The following KCTD16 variants were observed in gnomAD, a reference collection of about 807,000 sequenced individuals.
The protein encoded by KCTD16 is BTB/POZ domain-containing protein KCTD16.
In KCTD16, 13 loss-of-function variants were observed where a neutral mutation model predicts 33.2. The ratio of observed to expected loss-of-function variants is 0.39; its 90% CI spans 0.25 to 0.62. KCTD16 has a LOEUF of 0.62. Among genes scored for constraint, KCTD16 ranks in the 20% least tolerant of loss-of-function variants. The probability of loss-of-function intolerance (pLI) is 0.50; values close to 1 mark genes in which losing one functional copy is unlikely to be tolerated. For missense variants in KCTD16, 441 were observed against 525.1 expected (o/e 0.84, Z 1.57); for synonymous variants, 197 against 195.3 (o/e 1.01, Z -0.07).
intron 3 of KCTD16, among the ~76,000 whole-genome samples, chr5:144,441,974 TAAA>T: frequency 6.6e-6 from 1 of 152,242 alleles, no homozygotes; most frequent in East Asian, 1.9e-4. Flanking sequence ...TTCAACATTT[TAAA>T]AAAGTTTAAT....
chr5:144,425,629 T>C (rs80157337), intron 3 of KCTD16, among the ~76,000 whole-genome samples: 2 of 151,940 alleles, frequency 1.3e-5, no homozygotes, highest in African/African-American at 4.8e-5. Context: ...TAGCACCACA[T>C]GGATGTTGCC....
chr5:144,433,941 C>T (rs1430019246), intron 3 of KCTD16, among the ~76,000 whole-genome samples: 1 of 152,152 alleles, frequency 6.6e-6, no homozygotes, highest in Non-Finnish European at 1.5e-5. Flanking sequence ...ATTATATTAT[C>T]AGCCACTGAT....
intron 1 of KCTD16, among the ~76,000 whole-genome samples, chr5:144,173,397 C>G (rs1406493880): frequency 4.6e-5 from 7 of 152,084 alleles, no homozygotes; most frequent in Non-Finnish European, 4.4e-5. Context: ...AACCAGATAC[C>G]ACATATTCTC....
At chr5:144,454,003 GGATGGAATAAAGGGT>G (rs1319434704) in intron 3 of KCTD16, among the ~76,000 whole-genome samples, 15 of 152,184 alleles carry the variant, frequency 9.9e-5, no homozygotes, top group Middle Eastern at 3.4e-3. Flanking sequence ...AAAAGATAAG[GGATGGAATAAAGGGT>G]GATTAACCTC....
chr5:144,244,548 G>T (rs1200202476), intron 3 of KCTD16, among the ~76,000 whole-genome samples: 4 of 152,076 alleles, frequency 2.6e-5, no homozygotes, highest in Non-Finnish European at 5.9e-5. Flanking sequence ...TTTCATTTTT[G>T]CACTTCCATA....
intron 3 of KCTD16, among the ~76,000 whole-genome samples, chr5:144,364,841 G>T (rs1417183241): frequency 6.6e-6 from 1 of 152,118 alleles, no homozygotes; most frequent in African/African-American, 2.4e-5. Context: ...CAGAAGCTCT[G>T]CAGTCATATT....
intron 3 of KCTD16, among the ~76,000 whole-genome samples, chr5:144,401,576 T>A (rs1752705314): frequency 6.6e-6 from 1 of 152,088 alleles, no homozygotes; most frequent in Non-Finnish European, 1.5e-5. Flanking sequence ...CATTGAGAAG[T>A]GAGAGTGGGC....
chr5:144,171,588 C>T (rs967469350), intron 1 of KCTD16, among the ~76,000 whole-genome samples: 1 of 152,206 alleles, frequency 6.6e-6, no homozygotes, highest in African/African-American at 2.4e-5. Context: ...CCACCACCAT[C>T]ACCACCAAGT....
At chr5:144,301,429 ATGG>A (rs1751435780) in intron 3 of KCTD16, among the ~76,000 whole-genome samples, 1 of 152,108 alleles carries the variant, frequency 6.6e-6, no homozygotes, top group African/African-American at 2.4e-5. Flanking sequence ...AAGAAGAGAG[ATGG>A]TGAATTCTTA....
In KCTD16 at chr5:144,478,851, A is replaced by G. The variant is rs1466279550; in HGVS notation, c.*4737A>G. ...TAAGACTAGGGCAGAATAGATTTTC[A>G]TGAATTCTTTGCCATTTCATCTGCT... On this transcript the variant is annotated 3_prime_UTR_variant, in exon 4 of 4. Transcript: ENST00000512467. 6.6e-6 allele frequency: 1 copy of G among 152,040 alleles called. No homozygotes were observed. The highest frequency in any genetic ancestry group is 1.5e-5 in the Non-Finnish European group (1 of 67,952). 9.4% of individuals were successfully genotyped at this position (152,040 alleles called of 1,614,324 possible). A position where few individuals can be genotyped will look rare whatever the true frequency, so the allele number is the denominator to read the frequency against.
chr5:144,409,018 A>T (rs1248031980), intron 3 of KCTD16, among the ~76,000 whole-genome samples: 1 of 152,148 alleles, frequency 6.6e-6, no homozygotes, highest in African/African-American at 2.4e-5. Flanking sequence ...CCCTCATGAG[A>T]ATAAATGCTT....
chr5:144,246,771 G>A (rs886748348), intron 3 of KCTD16, among the ~76,000 whole-genome samples: 9 of 151,916 alleles, frequency 5.9e-5, no homozygotes, highest in South Asian at 2.1e-4. Context: ...CATTGTCATC[G>A]TCCTTGTCAT....
At position 144,372,401 on chromosome 5, in the gene KCTD16, C is replaced by T. The variant is rs551450962; in HGVS notation, c.833-101259C>T. ...TTGCCTATTTATGCCAGTCACTGTA[C>T]GAAGGAGGATGCAAACATACACGGA... is the stretch of plus-strand genomic sequence containing the variant. On this transcript the variant is annotated intron_variant, in intron 3 of 3. Coordinates refer to ENST00000512467, the MANE Select transcript of KCTD16 (RefSeq NM_020768.4). 7.2e-5 allele frequency among the ~76,000 whole-genome samples: 11 copies of T among 152,126 alleles called. No individual in the cohort carries two copies. The East Asian group carries it at 1.7e-3, about 24-fold the overall frequency.
intron 3 of KCTD16, among the ~76,000 whole-genome samples, chr5:144,460,127 C>T (rs189427425): frequency 4.8e-4 from 73 of 152,236 alleles, no homozygotes; most frequent in African/African-American, 1.6e-3. Flanking sequence ...CCACCGCACC[C>T]GGCCTCCAAT....
At chr5:144,330,109 A>G (rs1752315210) in intron 3 of KCTD16, among the ~76,000 whole-genome samples, 1 of 152,110 alleles carries the variant, frequency 6.6e-6, no homozygotes, top group Non-Finnish European at 1.5e-5. Flanking sequence ...GGATAGTTCA[A>G]TCACTTAAAA....
intron 3 of KCTD16, among the ~76,000 whole-genome samples, chr5:144,226,392 T>C (rs1341304022): frequency 6.6e-6 from 1 of 152,226 alleles, no homozygotes; most frequent in Non-Finnish European, 1.5e-5. Context: ...TAAGTTACAC[T>C]GGGTTATCCA....
chr5:144,413,913 C>T (rs1417908873), intron 3 of KCTD16, among the ~76,000 whole-genome samples: 2 of 152,096 alleles, frequency 1.3e-5, no homozygotes, highest in Admixed American at 6.5e-5. Context: ...GTCTGTGAAA[C>T]CTTGGCCACT....
intron 3 of KCTD16, among the ~76,000 whole-genome samples, chr5:144,345,868 TTTAAG>T (rs1321732096): frequency 6.6e-6 from 1 of 151,586 alleles, no homozygotes; most frequent in Non-Finnish European, 1.5e-5. Flanking sequence ...GATTATACTC[TTTAAG>T]TTATTTAAAA....
chr5:144,356,353 G>A lies in KCTD16; in HGVS notation c.833-117307G>A, dbSNP rs1751571468. Among the ~76,000 whole-genome samples the A allele has an allele frequency of 2.0e-5, 3 of 152,042 alleles. No homozygotes were observed. The South Asian group carries it at 6.2e-4, about 32-fold the overall frequency. On this transcript the variant is annotated intron_variant, in intron 3 of 3. Coordinates refer to ENST00000512467, the MANE Select transcript of KCTD16 (RefSeq NM_020768.4). Reference sequence around the variant, plus strand: ...TATATAAGTATATACAGGTTGAAAAGCCACTCATTCAAACAAACCTTTAAT... The same window carrying A: ...TATATAAGTATATACAGGTTGAAAAACCACTCATTCAAACAAACCTTTAAT...
Sources: gnomAD v4.1 joint callset for allele counts (sites outside exome capture counted in the v4.1 genomes callset) on GRCh38, gnomAD v4.1.1 for gene constraint, MANE v1.5 for transcripts, NCBI Gene and HGNC (gene_info 2026-07-23, HGNC 2026-07-21) for gene names.